MTOR: variants seen among roughly 807,000 people sequenced by gnomAD.
MTOR encodes mechanistic target of rapamycin kinase, also known as serine/threonine-protein kinase mTOR.
A neutral mutation model predicts 319.8 loss-of-function variants in MTOR; 70 were observed. That is an observed-to-expected ratio of 0.22 (90% confidence interval 0.18 to 0.27). The LOEUF is 0.27. Ranked by LOEUF, MTOR falls within the 10% of genes least tolerant of loss-of-function variation. The pLI, the probability that MTOR is intolerant of heterozygous loss-of-function variation, is 1.00. For synonymous variants in MTOR, 1,183 were observed against 1,211.4 expected, an observed-to-expected ratio of 0.98 and a Z score of 0.49; for missense variants, 1,890 against 3,274.4, an observed-to-expected ratio of 0.58 and a Z score of 10.32.
chr1:11,112,580 A>C (rs545896427), intron 54 of MTOR, among the ~76,000 whole-genome samples: 345 of 152,368 alleles, frequency 2.3e-3, no homozygotes, highest in Non-Finnish European at 4.1e-3. Flanking sequence ...CTTCATGTTC[A>C]GTAGCCATTA....
intron 20 of MTOR, among the ~76,000 whole-genome samples, 161 bp downstream of exon 20, chr1:11,215,987 T>C (rs1646456685): frequency 1.3e-5 from 2 of 152,196 alleles, no homozygotes; most frequent in African/African-American, 4.8e-5. Context: ...GCAACAGCCC[T>C]TCCTCCCCCT....
At chr1:11,243,525 T>C (rs928109585) in intron 8 of MTOR, among the ~76,000 whole-genome samples, 1 of 151,488 alleles carries the variant, frequency 6.6e-6, no homozygotes, top group Non-Finnish European at 1.5e-5. Flanking sequence ...ACCCTGTCTC[T>C]ACAAAAATAA....
chr1:11,109,195 C>A lies in MTOR; in HGVS notation c.7528+95G>T. 2.7e-6 allele frequency: 3 copies of A among 1,102,858 alleles called. No homozygotes were observed. The highest frequency in any genetic ancestry group is 4.0e-6 in the Non-Finnish European group (3 of 748,114). 68.3% of individuals were successfully genotyped at this position (1,102,858 alleles called of 1,614,324 possible). A position where few individuals can be genotyped will look rare whatever the true frequency, so the allele number is the denominator to read the frequency against. The stretch of plus-strand genomic sequence containing the variant: ...TCAGCTGCATGGTGCCAAAGCTCGT[C>A]ACTAACACCACTGGACATGGGGCTG... On this transcript the variant is annotated intron_variant, in intron 56 of 57. Transcript: ENST00000361445. The surrounding 1 kb of genome is among the most constrained non-coding windows in gnomAD (Gnocchi z 4.0).
intron 25 of MTOR, among the ~76,000 whole-genome samples, chr1:11,206,318 G>A (rs1191373550): frequency 4.6e-5 from 7 of 152,200 alleles, no homozygotes; most frequent in Admixed American, 4.6e-4. Context: ...AATGAGGTTG[G>A]GCCTGGGTAA....
intron 28 of MTOR, chr1:11,189,676 A>G (rs1405258181): frequency 1.2e-6 from 2 of 1,614,076 alleles, no homozygotes; most frequent in Non-Finnish European, 1.7e-6. Context: ...CTCTAAGCAC[A>G]AGACACCAGC....
Position 11,107,518 on chromosome 1 carries a change from A to G in MTOR, c.7635-18T>C. 6.2e-7 allele frequency: 1 copy of G among 1,611,986 alleles called. No individual in the cohort carries two copies. Among genetic ancestry groups the G allele is most frequent in the Non-Finnish European group, 8.5e-7 (1 of 1,179,300 alleles). Reference sequence around the variant, plus strand: ...AAGGGCACCTAAGAAGGCAGAAAGAAAAGGAATATTTTAATAATTTGAGCT... The same window carrying G: ...AAGGGCACCTAAGAAGGCAGAAAGAGAAGGAATATTTTAATAATTTGAGCT... On this transcript the variant is annotated intron_variant, in intron 57 of 57. Transcript: ENST00000361445.
intron 46 of MTOR, among the ~76,000 whole-genome samples, chr1:11,125,063 C>T (rs1379030520): frequency 6.6e-6 from 1 of 152,164 alleles, no homozygotes; most frequent in Non-Finnish European, 1.5e-5. Context: ...CCATCACCAG[C>T]CTGGCCCCAG....
At chr1:11,208,779 A>C (rs1165129625) in intron 25 of MTOR, among the ~76,000 whole-genome samples, 2 of 152,242 alleles carry the variant, frequency 1.3e-5, no homozygotes, top group Non-Finnish European at 2.9e-5. Context: ...ATAATTCAGT[A>C]ATCACTTGGA....
At chr1:11,120,333 G>GT (rs1642449011) in intron 49 of MTOR, among the ~76,000 whole-genome samples, 1 of 152,078 alleles carries the variant, frequency 6.6e-6, no homozygotes, top group Non-Finnish European at 1.5e-5. Context: ...GAGGTCAGGA[G>GT]TTTGAGACTA....
chr1:11,162,074 T>A (rs1358561071), intron 29 of MTOR, among the ~76,000 whole-genome samples: 1 of 152,082 alleles, frequency 6.6e-6, no homozygotes, highest in Admixed American at 6.6e-5. Flanking sequence ...ATAACTGGTG[T>A]AGAGAAGACA....
At chr1:11,181,991 G>A (rs1645173855) in intron 28 of MTOR, among the ~76,000 whole-genome samples, 1 of 152,158 alleles carries the variant, frequency 6.6e-6, no homozygotes, top group African/African-American at 2.4e-5. Flanking sequence ...GCCAAGGCAG[G>A]CGGATCACCT....
chr1:11,144,658 T>C lies in MTOR; in HGVS notation c.4862A>G (p.Glu1621Gly), dbSNP rs1359343601. The C allele has an allele frequency of 1.2e-6, 2 of 1,614,004 alleles. No individual in the cohort carries two copies. Among genetic ancestry groups the C allele is most frequent in the Admixed American group, 3.3e-5 (2 of 60,012 alleles). The change falls in exon 34 of 58, where the codon GAG (glutamate) becomes GGG (glycine). Residue 1621 changes from glutamate to glycine, a missense_variant. Transcript: ENST00000361445. ...TTCTACCAAGCTCACCTGCAGTCTC[T>C]CCCACCAGATCTGGCGGATGATCTC... ...RREIIRQIWW[E>G]RLQGCQRIVE...
intron 3 of MTOR, 63 bp from the exon 4 acceptor site, chr1:11,257,228 A>C: frequency 2.1e-6 from 3 of 1,407,666 alleles, no homozygotes; most frequent in Non-Finnish European, 2.9e-6. Context: ...AAGTACGCAG[A>C]CTTCAACTAA....
At chr1:11,244,021 A>G (rs754110913) in intron 8 of MTOR, among the ~76,000 whole-genome samples, 13 of 151,794 alleles carry the variant, frequency 8.6e-5, no homozygotes, top group Non-Finnish European at 1.6e-4. Context: ...TCTCAGATGC[A>G]GTGGCTCATG....
intron 28 of MTOR, among the ~76,000 whole-genome samples, chr1:11,198,213 C>T (rs1265941738): frequency 6.6e-6 from 1 of 152,212 alleles, no homozygotes; most frequent in Non-Finnish European, 1.5e-5. Context: ...TTCACATTTA[C>T]TGTGCCTGAT....
chr1:11,157,650 C>A lies in MTOR; in HGVS notation c.4330-359G>T, dbSNP rs917807108. Among the ~76,000 whole-genome samples the A allele has an allele frequency of 6.8e-4, 104 of 152,122 alleles. 4 individuals are homozygous for A. The highest frequency in any genetic ancestry group is 5.9e-5 in the Non-Finnish European group (4 of 68,028). ...ATTTAGGGATAGAAGAAAACGTCGACCAGAGCACCAGAGCTGTTTCAAAGG... is the reference window on the plus strand; with the variant it reads ...ATTTAGGGATAGAAGAAAACGTCGAACAGAGCACCAGAGCTGTTTCAAAGG... On this transcript the variant is annotated intron_variant, in intron 29 of 57. Transcript: ENST00000361445.
At position 11,237,824 on chromosome 1, in the gene MTOR, T is replaced by C; in HGVS notation, c.2208+19A>G. ...GTCCTGTCTTCCCTGCCTGTGGGTC[T>C]GGCCATCACCTCGGTTACCTGGATG... is the stretch of plus-strand genomic sequence containing the variant. On this transcript the variant is annotated intron_variant, in intron 13 of 57. Coordinates refer to ENST00000361445, the MANE Select transcript of MTOR (RefSeq NM_004958.4). 6.2e-7 allele frequency: 1 copy of C among 1,613,624 alleles called. No homozygotes were observed. Among genetic ancestry groups the C allele is most frequent in the Non-Finnish European group, 8.5e-7 (1 of 1,179,856 alleles).
intron 13 of MTOR, 72 bp downstream of exon 13, chr1:11,237,771 G>T: frequency 1.3e-6 from 2 of 1,535,642 alleles, no homozygotes; most frequent in Non-Finnish European, 9.0e-7. Flanking sequence ...CCTCAACTCC[G>T]CTTCCTCAAG....
chr1:11,260,299 T>C (rs551350245), intron 1 of MTOR, among the ~76,000 whole-genome samples: 1 of 152,332 alleles, frequency 6.6e-6, no homozygotes, highest in South Asian at 2.1e-4. Flanking sequence ...TCCCGGCACT[T>C]TGGGAGCCCA....
Sources: gnomAD v4.1 joint callset for allele counts (sites outside exome capture counted in the v4.1 genomes callset) on GRCh38, gnomAD v4.1.1 for gene constraint, Gnocchi (gnomAD v3.1) non-coding constraint, MANE v1.5 for transcripts, NCBI Gene and HGNC (gene_info 2026-07-23, HGNC 2026-07-21) for gene names.